The following CEP85L variants were observed in gnomAD, a reference collection of about 807,000 sequenced individuals.
CEP85L encodes the protein centrosomal protein of 85 kDa-like.
In CEP85L, 60 loss-of-function variants were observed where a neutral mutation model predicts 100.3. The ratio of observed to expected loss-of-function variants is 0.60; its 90% CI spans 0.49 to 0.74. The LOEUF (loss-of-function observed/expected upper bound fraction) is 0.74. Among genes scored for constraint, CEP85L ranks in the 30% least tolerant of loss-of-function variants. The pLI, the probability that CEP85L is intolerant of heterozygous loss-of-function variation, is 0.00. For missense variants in CEP85L, 973 were observed against 936.2 expected, an observed-to-expected ratio of 1.04 and a Z score of -0.51; for synonymous variants, 319 against 322.7, an observed-to-expected ratio of 0.99 and a Z score of 0.12.
chr6:118,537,866 A>C (rs989981545), intron 3 of CEP85L: 3 of 985,228 alleles, frequency 3.0e-6, no homozygotes, highest in Non-Finnish European at 3.6e-6. Context: ...CACGTAACAC[A>C]GTAAATCTTC....
At chr6:118,663,654 T>C (rs1776041731) in intron 1 of CEP85L, among the ~76,000 whole-genome samples, 1 of 152,146 alleles carries the variant, frequency 6.6e-6, no homozygotes. Flanking sequence ...AGATTTGACA[T>C]ATTGTTTTTG....
chr6:118,578,751 C>T (rs1284697919), intron 2 of CEP85L, among the ~76,000 whole-genome samples: 2 of 152,114 alleles, frequency 1.3e-5, no homozygotes, highest in Admixed American at 6.6e-5. Context: ...AAATAAAAAT[C>T]CTCTCTTTTG....
chr6:118,636,188 A>G (rs1428510366), intron 1 of CEP85L, among the ~76,000 whole-genome samples: 2 of 152,212 alleles, frequency 1.3e-5, no homozygotes, highest in Non-Finnish European at 1.5e-5. Context: ...GACTCCTGAG[A>G]TGTGGTAAAA....
rs1211286686 is a variant in CEP85L, at chr6:118,632,456, C to T, written c.229G>A (p.Glu77Lys). The change falls in exon 2 of 13, where the codon GAA (glutamate) becomes AAA (lysine). Residue 77 changes from glutamate (E) to lysine (K), a missense_variant. Transcript: ENST00000368491. ...AACAATAAGAATTTTAGCTCACCTT[C>T]CACGCTATCAGAACAGGAAGTTCCA... is the stretch of plus-strand genomic sequence containing the variant. Reference protein sequence around the residue: ...GIGTSCSDSVEDHSTSSGTLS... With the variant: ...GIGTSCSDSVKDHSTSSGTLS... 5 of 1,594,190 alleles carry T rather than the reference C, an allele frequency of 3.1e-6. No homozygotes were observed. Among genetic ancestry groups the T allele is most frequent in the Non-Finnish European group, 4.3e-6 (5 of 1,172,086 alleles).
chr6:118,511,563 G>A (rs1775972918), intron 4 of CEP85L, 148 bp from the exon 5 acceptor site: 2 of 545,642 alleles, frequency 3.7e-6, no homozygotes, highest in Non-Finnish European at 6.4e-6. Context: ...CTCATAGCTT[G>A]CTTTAAGCAA....
At chr6:118,669,450 C>T (rs565306488) in intron 1 of CEP85L, among the ~76,000 whole-genome samples, 1 of 152,278 alleles carries the variant, frequency 6.6e-6, no homozygotes, top group Admixed American at 6.5e-5. Context: ...ACCCCCTTGC[C>T]CTTCCTTACA....
At chr6:118,690,165 C>A (rs1776989093) in intron 1 of CEP85L, among the ~76,000 whole-genome samples, 1 of 152,114 alleles carries the variant, frequency 6.6e-6, no homozygotes, top group South Asian at 2.1e-4. Flanking sequence ...ATTTTGGAGA[C>A]CATTTTCTAC....
intron 3 of CEP85L, among the ~76,000 whole-genome samples, chr6:118,557,354 A>G (rs1169094792): frequency 6.6e-6 from 1 of 152,214 alleles, no homozygotes; most frequent in Non-Finnish European, 1.5e-5. Context: ...AAGAAACTAT[A>G]TGTTAGAACT....
intron 2 of CEP85L, among the ~76,000 whole-genome samples, chr6:118,587,386 T>C (rs1362276980): frequency 1.3e-5 from 2 of 152,138 alleles, no homozygotes; most frequent in African/African-American, 4.8e-5. Flanking sequence ...GCTTTAAAAG[T>C]AGTGGGGAAG....
At chr6:118,499,070 T>C (rs762730451) in intron 5 of CEP85L, among the ~76,000 whole-genome samples, 10 of 152,002 alleles carry the variant, frequency 6.6e-5, no homozygotes, top group Admixed American at 1.3e-4. Flanking sequence ...AAAAGGAAAA[T>C]ACAACCTATC....
chr6:118,661,969 C>T (rs1053083462), intron 1 of CEP85L, among the ~76,000 whole-genome samples: 6 of 152,198 alleles, frequency 3.9e-5, no homozygotes. Context: ...GGTTTTGATA[C>T]AGCTCTGCTC....
At chr6:118,683,270 G>A (rs1776726930) in intron 1 of CEP85L, among the ~76,000 whole-genome samples, 1 of 152,272 alleles carries the variant, frequency 6.6e-6, no homozygotes, top group East Asian at 1.9e-4. Flanking sequence ...TCATCAGACA[G>A]CTTTCTTTTG....
chr6:118,608,101 C>G (rs72956909), intron 2 of CEP85L, among the ~76,000 whole-genome samples: 1 of 152,156 alleles, frequency 6.6e-6, no homozygotes, highest in Non-Finnish European at 1.5e-5. Context: ...ATTTCCTGGT[C>G]AATTATATTA....
chr6:118,504,532 T>C (rs1418314220), intron 5 of CEP85L, among the ~76,000 whole-genome samples: 1 of 152,214 alleles, frequency 6.6e-6, no homozygotes, highest in Non-Finnish European at 1.5e-5. Flanking sequence ...CCACATTCCT[T>C]ATCTCATACC....
At chr6:118,700,574 C>A (rs1777374088) in intron 1 of CEP85L, among the ~76,000 whole-genome samples, 1 of 152,226 alleles carries the variant, frequency 6.6e-6, no homozygotes, top group Non-Finnish European at 1.5e-5. Context: ...AGCACTCTTT[C>A]AATTCCTTTG....
intron 1 of CEP85L, among the ~76,000 whole-genome samples, chr6:118,680,891 C>A (rs1776636925): frequency 6.6e-6 from 1 of 151,088 alleles, no homozygotes; most frequent in Non-Finnish European, 1.5e-5. Flanking sequence ...AAAAAAGACA[C>A]TCTGAGATGA....
At chr6:118,618,943 A>G (rs1773254667) in intron 2 of CEP85L, among the ~76,000 whole-genome samples, 1 of 152,198 alleles carries the variant, frequency 6.6e-6, no homozygotes, top group South Asian at 2.1e-4. Context: ...TAAATCCAAC[A>G]GTCCTCATGC....
At chr6:118,617,862 C>G (rs1773170486) in intron 2 of CEP85L, among the ~76,000 whole-genome samples, 1 of 152,124 alleles carries the variant, frequency 6.6e-6, no homozygotes, top group Non-Finnish European at 1.5e-5. Flanking sequence ...TGAGTACCCT[C>G]GGACCTCTTT....
intron 5 of CEP85L, among the ~76,000 whole-genome samples, chr6:118,508,665 T>A (rs1403983434): frequency 1.3e-5 from 2 of 152,130 alleles, no homozygotes; most frequent in Admixed American, 1.3e-4. Flanking sequence ...ATTAAGAGTA[T>A]GTTTTCCATC....
Sources: gnomAD v4.1 joint callset for allele counts (sites outside exome capture counted in the v4.1 genomes callset) on GRCh38, gnomAD v4.1.1 for gene constraint, MANE v1.5 for transcripts, NCBI Gene and HGNC (gene_info 2026-07-23, HGNC 2026-07-21) for gene names.